Variants in TFR2 observed in about 807,000 individuals in gnomAD.
The protein encoded by TFR2 is transferrin receptor 2.
TFR2 carries 64 observed loss-of-function variants against 91.9 expected under a neutral mutation model. That is an observed-to-expected ratio of 0.70 (90% CI 0.57 to 0.86). The LOEUF (loss-of-function observed/expected upper bound fraction) is 0.86, where lower values mean the gene tolerates loss of function less well. TFR2 is among the 40% of genes least tolerant of loss of function. TFR2 has a pLI of 0.00. For missense variants in TFR2, 950 were observed against 1,080.5 expected (o/e 0.88, Z 1.69); for synonymous variants, 454 against 459.6 (o/e 0.99, Z 0.15).
rs1315674743 is a variant in TFR2, at chr7:100,628,066, A to G, written c.1537+7T>C. 2.0e-5 allele frequency: 32 copies of G among 1,613,996 alleles called. No individual in the cohort carries two copies. The highest frequency in any genetic ancestry group is 2.6e-5 in the Non-Finnish European group (31 of 1,179,994). On this transcript the variant is annotated splice_region_variant and intron_variant, in intron 12 of 17. Coordinates refer to ENST00000223051, the MANE Select transcript of TFR2 (RefSeq NM_003227.4). Reference sequence around the variant, plus strand: ...GGGGGCCAGGTGGTGGCACTGCCCCAGCTCACCCAGCACTGCGTTGTCCAG... The same window carrying G: ...GGGGGCCAGGTGGTGGCACTGCCCCGGCTCACCCAGCACTGCGTTGTCCAG...
intron 3 of TFR2, among the ~76,000 whole-genome samples, chr7:100,635,380 T>C (rs1803555153): frequency 6.6e-6 from 1 of 151,932 alleles, no homozygotes; most frequent in Non-Finnish European, 1.5e-5. Flanking sequence ...TAGCCGGGAC[T>C]CTAGGCATGC....
Position 100,641,499 on chromosome 7 carries a change from A to AG in TFR2, c.10dup (p.Leu4ProfsTer57). 1 of 1,613,864 alleles carries AG rather than the reference A, an allele frequency of 6.2e-7. No individual in the cohort carries two copies. Among genetic ancestry groups the AG allele is most frequent in the South Asian group, 1.1e-5 (1 of 91,034 alleles). ...TACCGCTCTCTGGAATAGACCCCAA[A>AG]GCCGCTCCATGCTTGTGTCCCCTCC... On this transcript the variant is annotated frameshift_variant, in exon 1 of 18. Coordinates refer to ENST00000223051, the MANE Select transcript of TFR2 (RefSeq NM_003227.4). LOFTEE classifies it high-confidence loss of function.
At chr7:100,629,145 A>G in intron 10 of TFR2, 108 bp downstream of exon 10, 1 of 1,442,016 alleles carries the variant, frequency 6.9e-7, no homozygotes, top group Non-Finnish European at 9.7e-7. Flanking sequence ...CCGAGGTCCA[A>G]GTGACCACTG....
chr7:100,634,464 A>G (rs991595978), intron 3 of TFR2, among the ~76,000 whole-genome samples: 1 of 152,094 alleles, frequency 6.6e-6, no homozygotes, highest in Non-Finnish European at 1.5e-5. Context: ...TGTGTTTCCC[A>G]AGCTGGTCTT....
At chr7:100,634,241 G>GAA (rs1203651346) in intron 3 of TFR2, among the ~76,000 whole-genome samples, 12 of 142,378 alleles carry the variant, frequency 8.4e-5, no homozygotes, top group African/African-American at 2.6e-4. Flanking sequence ...ACTTTCCTTC[G>GAA]AAAGAGCTAA....
chr7:100,625,955 A>G (rs557132167), intron 17 of TFR2, among the ~76,000 whole-genome samples: 2 of 152,158 alleles, frequency 1.3e-5, no homozygotes, highest in Admixed American at 6.6e-5. Context: ...GAGAGATAAC[A>G]TGAGCCTCCA....
rs1158643619 is a variant in TFR2, at chr7:100,624,878, A to C, written c.2136+1885T>G. Among the ~76,000 whole-genome samples the C allele has an allele frequency of 4.6e-5, 7 of 151,228 alleles. No homozygotes were observed. The East Asian group carries it at 1.4e-3, about 29-fold the overall frequency. ...CAGAGTGAGACCGTCTCAGAAAAAA[A>C]AAAAACAAAAAAACAAGCGGCAGTT... On this transcript the variant is annotated intron_variant, in intron 17 of 17. Transcript: ENST00000223051.
At position 100,629,355 on chromosome 7, in the gene TFR2, C is replaced by T. The variant is rs780902940; in HGVS notation, c.1288G>A (p.Gly430Arg). 7 of 1,613,976 alleles carry T rather than the reference C, an allele frequency of 4.3e-6. No homozygotes were observed. The highest frequency in any genetic ancestry group is 2.7e-5 in the African/African-American group (2 of 75,034). ...GGGCCCCATGCATCCCTCTGGGCCC[C>T]GATGACAACGTAGTGATCTGGGGAG... The part of the protein sequence containing the change: ...RSEPDHYVVI[G>R]AQRDAWGPGA... The change falls in exon 10 of 18, where the codon GGG (glycine) becomes AGG (arginine). Residue 430 changes from glycine (G) to arginine (R), a missense_variant. By Grantham distance (125) the Gly-to-Arg change is moderately radical. Transcript: ENST00000223051.
In TFR2 at chr7:100,626,907, G is replaced by A. The variant is rs567100594; in HGVS notation, c.1996-4C>T. 5.9e-6 allele frequency: 9 copies of A among 1,537,434 alleles called. No individual in the cohort carries two copies. The highest frequency in any genetic ancestry group is 7.9e-6 in the Non-Finnish European group (9 of 1,144,058). ...ACTGCAGGGTCAGCCCGCGGGCCTGGGGTGGGGAGGCGCGGGCTGGGGCTG... is the reference window on the plus strand; with the variant it reads ...ACTGCAGGGTCAGCCCGCGGGCCTGAGGTGGGGAGGCGCGGGCTGGGGCTG... On this transcript the variant is annotated splice_polypyrimidine_tract_variant and splice_region_variant and intron_variant, in intron 16 of 17. Coordinates refer to ENST00000223051, the MANE Select transcript of TFR2 (RefSeq NM_003227.4).
chr7:100,626,604 T>C, intron 17 of TFR2, 159 bp downstream of exon 17: 3 of 1,451,958 alleles, frequency 2.1e-6, no homozygotes, highest in Non-Finnish European at 2.7e-6. Context: ...GACCGATCTA[T>C]GAGCACTGCG....
chr7:100,626,950 C>A, intron 16 of TFR2, 47 bp from the exon 17 acceptor site: 1 of 1,517,782 alleles, frequency 6.6e-7, no homozygotes, highest in Non-Finnish European at 8.8e-7. Context: ...GGGCCAGGAC[C>A]CCCGCCTAGC....
intron 17 of TFR2, among the ~76,000 whole-genome samples, chr7:100,625,993 C>T (rs948323353): frequency 2.0e-5 from 3 of 152,114 alleles, no homozygotes; most frequent in African/African-American, 4.8e-5. Flanking sequence ...CTCTGAAAAC[C>T]GTGAGTGTGT....
chr7:100,631,672 G>C, intron 8 of TFR2, 134 bp downstream of exon 8: 1 of 1,244,026 alleles, frequency 8.0e-7, no homozygotes, highest in Non-Finnish European at 1.1e-6. Context: ...CTGGAGTGCA[G>C]TGGTGTAGTC....
intron 3 of TFR2, among the ~76,000 whole-genome samples, chr7:100,639,537 C>T (rs1229864725): frequency 2.0e-5 from 3 of 150,574 alleles, no homozygotes; most frequent in Admixed American, 6.6e-5. Context: ...CCTACTGCCA[C>T]GGTTACCTTA....
At chr7:100,626,138 AG>A (rs1562837204) in intron 17 of TFR2, among the ~76,000 whole-genome samples, 1 of 152,074 alleles carries the variant, frequency 6.6e-6, no homozygotes, top group Non-Finnish European at 1.5e-5. Flanking sequence ...TTGACATCAA[AG>A]GGTTGAGGGG....
chr7:100,621,365 T>C (rs1464704310), intron 17 of TFR2, among the ~76,000 whole-genome samples: 5 of 152,158 alleles, frequency 3.3e-5, no homozygotes, highest in Admixed American at 1.3e-4. Context: ...GCGATTCTCC[T>C]GCCTCAGCCT....
chr7:100,641,239 G>T lies in TFR2; in HGVS notation c.34-11C>A. 5 of 1,537,996 alleles carry T rather than the reference G, an allele frequency of 3.3e-6. No individual in the cohort carries two copies. Among genetic ancestry groups the T allele is most frequent in the Non-Finnish European group, 4.4e-6 (5 of 1,140,042 alleles). ...TGGGGACAGTTGTTGCTGTGCAGGC[G>T]AGGTGGGCATGAGATTGGGGCAAGA... On this transcript the variant is annotated splice_polypyrimidine_tract_variant and intron_variant, in intron 1 of 17. Transcript: ENST00000223051.
At position 100,633,090 on chromosome 7, in the gene TFR2, CG is replaced by C; in HGVS notation, c.759del (p.Glu254LysfsTer24). 6.2e-7 allele frequency: 1 copy of C among 1,613,494 alleles called. No individual in the cohort carries two copies. The highest frequency in any genetic ancestry group is 8.5e-7 in the Non-Finnish European group (1 of 1,179,920). The stretch of plus-strand genomic sequence containing the variant: ...CTGGCCCGCAGGTCCTGCAGGTCTT[CG>C]GGCCGCCCGTAGTGGGCGTACACCA... ...GELVYAHYGR[P>X]EDLQDLRARG... On this transcript the variant is annotated frameshift_variant, in exon 6 of 18. Transcript: ENST00000223051. LOFTEE classifies it high-confidence loss of function.
chr7:100,630,890 T>C lies in TFR2; in HGVS notation c.1269A>G (p.Pro423=), dbSNP rs1803411526. The change falls in exon 9 of 18, where the codon CCA becomes CCG. Residue 423 remains proline, a splice_region_variant and synonymous_variant. Coordinates refer to ENST00000223051, the MANE Select transcript of TFR2 (RefSeq NM_003227.4). ...AGTGATACTGGACACACAGCATACC[T>C]GGCTCTGAGCGGCCTTCGATGCAGC... The part of the protein sequence containing the change: ...IFGCIEGRSE[P]DHYVVIGAQR... 2.5e-6 allele frequency: 4 copies of C among 1,612,494 alleles called. No individual in the cohort carries two copies. The highest frequency in any genetic ancestry group is 3.4e-6 in the Non-Finnish European group (4 of 1,179,820).
Sources: gnomAD v4.1 joint callset for allele counts (sites outside exome capture counted in the v4.1 genomes callset) on GRCh38, gnomAD v4.1.1 for gene constraint, MANE v1.5 for transcripts, NCBI Gene and HGNC (gene_info 2026-07-23, HGNC 2026-07-21) for gene names.